The following GMCL1 variants were observed in gnomAD, a reference collection of about 807,000 sequenced individuals.
GMCL1 encodes germ cell-less 1, spermatogenesis associated, also known as germ cell-less protein-like 1.
Under a neutral mutation model 75.5 loss-of-function variants are expected in GMCL1, and 54 were observed. The ratio of observed to expected loss-of-function variants is 0.71; its 90% CI spans 0.57 to 0.90. GMCL1 has a LOEUF of 0.90. Ranked by LOEUF, GMCL1 falls within the 40% of genes least tolerant of loss-of-function variation. The pLI is 0.00. For missense variants in GMCL1, 537 were observed against 622.7 expected (o/e 0.86, Z 1.47); for synonymous variants, 210 against 209.6 (o/e 1.00, Z -0.02).
At chr2:69,871,971 A>G (rs1675995023) in intron 13 of GMCL1, 139 bp downstream of exon 13, 1 of 589,762 alleles carries the variant, frequency 1.7e-6, no homozygotes, top group African/African-American at 2.0e-5. Flanking sequence ...GAAGGTAAAG[A>G]TGAAAGTACC....
chr2:69,848,602 G>C (rs1675221497), intron 7 of GMCL1, among the ~76,000 whole-genome samples: 1 of 152,158 alleles, frequency 6.6e-6, no homozygotes, highest in Admixed American at 6.5e-5. Context: ...CAGCTACTCA[G>C]CAGGCTGAGG....
At chr2:69,877,332 C>T (rs1676154332) in intron 13 of GMCL1, among the ~76,000 whole-genome samples, 1 of 152,152 alleles carries the variant, frequency 6.6e-6, no homozygotes, top group Non-Finnish European at 1.5e-5. Context: ...CACGTGCCTT[C>T]CTTCTTTCTC....
At chr2:69,873,573 C>A (rs1341675832) in intron 13 of GMCL1, 3 of 152,614 alleles carry the variant, frequency 2.0e-5, no homozygotes, top group African/African-American at 4.8e-5. Context: ...TAGATGATCC[C>A]AATTTTTTGG....
chr2:69,861,206 A>G, intron 9 of GMCL1, 72 bp from the exon 10 acceptor site: 1 of 1,102,118 alleles, frequency 9.1e-7, no homozygotes, highest in South Asian at 1.5e-5. Flanking sequence ...CAATTTTGTC[A>G]ACTATGAATG....
intron 13 of GMCL1, chr2:69,873,837 A>T (rs540957404): frequency 1.2e-5 from 2 of 168,288 alleles, no homozygotes; most frequent in South Asian, 4.1e-4. Flanking sequence ...GGGGAGAGGC[A>T]AAATGGGGTC....
chr2:69,864,290 G>A (rs1001358649), intron 10 of GMCL1, among the ~76,000 whole-genome samples: 1 of 151,826 alleles, frequency 6.6e-6, no homozygotes, highest in Non-Finnish European at 1.5e-5. Flanking sequence ...ATGAATGAAT[G>A]TATTATATTA....
chr2:69,830,256 T>G (rs1023420880), intron 1 of GMCL1, 104 bp downstream of exon 1: 2 of 1,384,406 alleles, frequency 1.4e-6, no homozygotes, highest in Non-Finnish European at 1.9e-6. Context: ...CCCCAGCCTA[T>G]GGAGAGGGGA....
At chr2:69,843,042 T>A in intron 4 of GMCL1, 107 bp from the exon 5 acceptor site, 1 of 446,044 alleles carries the variant, frequency 2.2e-6, no homozygotes. Context: ...TTTTCTTTCT[T>A]TTCTTTCTTC....
chr2:69,835,570 G>A (rs377198950), intron 1 of GMCL1, among the ~76,000 whole-genome samples: 21 of 152,138 alleles, frequency 1.4e-4, no homozygotes, highest in African/African-American at 4.8e-4. Flanking sequence ...CCTCTTCTTT[G>A]AGTAAGAAGA....
At position 69,838,119 on chromosome 2, in the gene GMCL1, A is replaced by G. The variant is rs1674872181; in HGVS notation, c.384+449A>G. 4.6e-5 allele frequency among the ~76,000 whole-genome samples: 7 copies of G among 152,198 alleles called. No homozygotes were observed. In the South Asian group the frequency reaches 1.5e-3, roughly 32 times the overall value. ...AGGTAAAGACAACACCAAAAAGTAT[A>G]TAGACTAAGTAGATTTCTGTACTGA... On this transcript the variant is annotated intron_variant, in intron 2 of 13. Coordinates refer to ENST00000282570, the MANE Select transcript of GMCL1 (RefSeq NM_178439.5).
chr2:69,855,072 T>A (rs1675431882), intron 9 of GMCL1, 112 bp downstream of exon 9: 1 of 802,870 alleles, frequency 1.2e-6, no homozygotes, highest in Non-Finnish European at 1.9e-6. Flanking sequence ...CCCAAAAAGG[T>A]ATACATCTTT....
chr2:69,854,146 A>G (rs991862433), intron 8 of GMCL1, among the ~76,000 whole-genome samples: 2 of 146,124 alleles, frequency 1.4e-5, no homozygotes, highest in South Asian at 2.1e-4. Flanking sequence ...TATTATTATT[A>G]TTATCATTAT....
chr2:69,881,193 T>G lies in GMCL1; in HGVS notation c.*2189T>G, dbSNP rs1022316214. 2.0e-5 allele frequency: 3 copies of G among 152,238 alleles called. No individual in the cohort carries two copies. The highest frequency in any genetic ancestry group is 4.8e-5 in the African/African-American group (2 of 41,464). The allele number at this position is 152,238 out of a possible 1,614,324, so 9.4% of individuals were successfully genotyped here. A position where few individuals can be genotyped will look rare whatever the true frequency, so the allele number is the denominator to read the frequency against. On this transcript the variant is annotated 3_prime_UTR_variant, in exon 14 of 14. Transcript: ENST00000282570. Reference sequence around the variant, plus strand: ...TTATGTCATCCATAGACAGGATAATTCTTTCTTCAATCACAAGTAGGTTAA... The same window carrying G: ...TTATGTCATCCATAGACAGGATAATGCTTTCTTCAATCACAAGTAGGTTAA...
rs1311561299 is a variant in GMCL1, at chr2:69,837,348, AC to A, written c.261-197del. Among the ~76,000 whole-genome samples, 3 of 152,322 alleles carry A rather than the reference AC, an allele frequency of 2.0e-5. No homozygotes were observed. The East Asian group carries it at 5.8e-4, about 29-fold the overall frequency. The stretch of plus-strand genomic sequence containing the variant: ...CCGTGCATAGAGGACCCCAGAGATA[AC>A]CACTATTATTAGTTTCTTATGTACT... On this transcript the variant is annotated intron_variant, in intron 1 of 13. Transcript: ENST00000282570.
intron 10 of GMCL1, 89 bp from the exon 11 acceptor site, chr2:69,864,811 G>T: frequency 2.5e-6 from 2 of 799,392 alleles, no homozygotes; most frequent in African/African-American, 1.8e-5. Flanking sequence ...AAATCTGGTA[G>T]CAAGATTTTC....
intron 6 of GMCL1, among the ~76,000 whole-genome samples, chr2:69,845,556 C>A (rs936806851): frequency 2.6e-5 from 4 of 152,192 alleles, no homozygotes; most frequent in Middle Eastern, 3.2e-3. Context: ...ATTATAGGCA[C>A]ATACCACTGC....
At chr2:69,845,208 C>T (rs144290954) in intron 6 of GMCL1, among the ~76,000 whole-genome samples, 276 of 152,342 alleles carry the variant, frequency 1.8e-3, no homozygotes, top group African/African-American at 6.3e-3. Flanking sequence ...AACTGCGCCG[C>T]CTTCGTCCTC....
At chr2:69,840,356 G>A (rs950347454) in intron 3 of GMCL1, among the ~76,000 whole-genome samples, 3 of 151,794 alleles carry the variant, frequency 2.0e-5, no homozygotes, top group African/African-American at 7.3e-5. Flanking sequence ...CTTGCAGTGA[G>A]CCGAGATCGC....
chr2:69,859,742 T>TAAAAAAAAAAAA (rs1207817401), intron 9 of GMCL1, among the ~76,000 whole-genome samples: 28 of 79,082 alleles, frequency 3.5e-4, no homozygotes, highest in African/African-American at 1.2e-3. Flanking sequence ...TCTCTCTCTC[T>TAAAAAAAAAAAA]AAAAAAAAAA....
Sources: allele counts gnomAD v4.1 joint callset (sites outside exome capture counted in the v4.1 genomes callset), GRCh38; gene constraint gnomAD v4.1.1; transcripts MANE v1.5; gene names NCBI Gene and HGNC (gene_info 2026-07-23, HGNC 2026-07-21).